Variants in DIS3L2 observed in about 807,000 individuals in gnomAD.
The protein encoded by DIS3L2 is DIS3 like 3'-5' exoribonuclease 2, also known as DIS3-like exonuclease 2.
A neutral mutation model predicts 97.5 loss-of-function variants in DIS3L2; 34 were observed. The observed-to-expected ratio is 0.35, with a 90% confidence interval of 0.27 to 0.46. DIS3L2 has a LOEUF of 0.46. DIS3L2 is among the 20% of genes least tolerant of loss of function. The probability of loss-of-function intolerance (pLI) is 1.00; values close to 1 mark genes in which losing one functional copy is unlikely to be tolerated. For missense variants in DIS3L2, 1,038 were observed against 1,146.0 expected (o/e 0.91, Z 1.36); for synonymous variants, 435 against 445.2 (o/e 0.98, Z 0.29).
At chr2:232,110,746 G>A (rs67269492) in intron 6 of DIS3L2, among the ~76,000 whole-genome samples, 14,947 of 152,126 alleles carry the variant, frequency 0.098, 999 homozygotes, top group Middle Eastern at 0.15. Context: ...ATAGCCAATG[G>A]ATGTTGGGCT....
At chr2:232,002,537 T>G (rs1693937004) in intron 1 of DIS3L2, among the ~76,000 whole-genome samples, 1 of 152,242 alleles carries the variant, frequency 6.6e-6, no homozygotes, top group South Asian at 2.1e-4. Flanking sequence ...TTTATTTCAT[T>G]AACATTTGTT....
intron 5 of DIS3L2, among the ~76,000 whole-genome samples, chr2:232,032,062 C>G (rs1455066673): frequency 1.3e-5 from 2 of 152,188 alleles, no homozygotes; most frequent in Non-Finnish European, 2.9e-5. Flanking sequence ...ATTTCTAGTT[C>G]TAGATCCTTG....
At chr2:232,042,078 G>A (rs1695123718) in intron 5 of DIS3L2, among the ~76,000 whole-genome samples, 1 of 152,126 alleles carries the variant, frequency 6.6e-6, no homozygotes, top group African/African-American at 2.4e-5. Flanking sequence ...GGAAGAGATT[G>A]GCACTGAAAG....
chr2:232,073,258 G>A (rs1320362054), intron 5 of DIS3L2, among the ~76,000 whole-genome samples: 2 of 152,118 alleles, frequency 1.3e-5, no homozygotes, highest in Non-Finnish European at 2.9e-5. Context: ...GCCTAGCCAG[G>A]GAAGCCAAGA....
chr2:232,148,748 C>CTTTTTTTTTTTTTT (rs34837114), intron 8 of DIS3L2, among the ~76,000 whole-genome samples: 3 of 98,886 alleles, frequency 3.0e-5, no homozygotes, highest in Non-Finnish European at 3.8e-5. Context: ...AATTTTCTTT[C>CTTTTTTTTTTTTTT]TTTTTTTTTT....
At chr2:232,243,358 G>A (rs1032027888) in intron 11 of DIS3L2, among the ~76,000 whole-genome samples, 4 of 152,052 alleles carry the variant, frequency 2.6e-5, no homozygotes, top group African/African-American at 4.8e-5. Flanking sequence ...AGTGGTAGGC[G>A]AAGGAGCTCA....
At chr2:232,283,835 G>A (rs1694358957) in intron 13 of DIS3L2, among the ~76,000 whole-genome samples, 2 of 152,148 alleles carry the variant, frequency 1.3e-5, no homozygotes, top group South Asian at 4.2e-4. Flanking sequence ...GGATGGGACA[G>A]TCTGTATGTA....
At chr2:231,970,122 T>C (rs1692854391) in intron 1 of DIS3L2, among the ~76,000 whole-genome samples, 1 of 151,770 alleles carries the variant, frequency 6.6e-6, no homozygotes, top group Admixed American at 6.6e-5. Flanking sequence ...TGTTTGTTTG[T>C]TTTTTAGTAG....
intron 8 of DIS3L2, among the ~76,000 whole-genome samples, chr2:232,157,697 G>A (rs1690534059): frequency 6.6e-6 from 1 of 152,126 alleles, no homozygotes. Context: ...AGTAGTTGGG[G>A]GTCCTCCTGG....
chr2:232,246,643 G>A (rs1286222210), intron 11 of DIS3L2, among the ~76,000 whole-genome samples: 1 of 152,228 alleles, frequency 6.6e-6, no homozygotes, highest in African/African-American at 2.4e-5. Flanking sequence ...CTCTCAGGTG[G>A]CAAAGCCTTT....
chr2:231,984,360 C>T (rs897381960), intron 1 of DIS3L2, among the ~76,000 whole-genome samples: 2 of 148,900 alleles, frequency 1.3e-5, no homozygotes, highest in Non-Finnish European at 3.0e-5. Flanking sequence ...GAGTGAGTGG[C>T]GTGATCTGGG....
chr2:232,014,681 G>T (rs950301898), intron 1 of DIS3L2, among the ~76,000 whole-genome samples, 154 bp from the exon 2 acceptor site: 5 of 152,326 alleles, frequency 3.3e-5, no homozygotes, highest in African/African-American at 1.2e-4. Flanking sequence ...ACTTGAGACA[G>T]ATGGTGTGCT....
intron 9 of DIS3L2, among the ~76,000 whole-genome samples, chr2:232,174,572 T>TGA (rs1691093137): frequency 9.0e-6 from 1 of 111,052 alleles, no homozygotes; most frequent in Admixed American, 1.3e-4. Context: ...GGTAACAGAG[T>TGA]GAGACTCCAC....
At chr2:232,072,497 TG>T (rs1022659959) in intron 5 of DIS3L2, among the ~76,000 whole-genome samples, 16 of 151,502 alleles carry the variant, frequency 1.1e-4, no homozygotes, top group Non-Finnish European at 2.4e-4. Flanking sequence ...GGATCCGGGG[TG>T]GGGGTGCAGT....
chr2:232,217,984 C>T (rs1692388192), intron 10 of DIS3L2, among the ~76,000 whole-genome samples: 1 of 152,204 alleles, frequency 6.6e-6, no homozygotes, highest in South Asian at 2.1e-4. Context: ...CCTCTCTGTG[C>T]AGCATTCCCT....
intron 13 of DIS3L2, among the ~76,000 whole-genome samples, chr2:232,294,352 A>C (rs1171837082): frequency 6.6e-6 from 1 of 152,190 alleles, no homozygotes; most frequent in African/African-American, 2.4e-5. Context: ...ATCCTTAGCA[A>C]GGAGGAAATG....
chr2:232,183,784 T>G (rs764507166), intron 9 of DIS3L2, among the ~76,000 whole-genome samples: 1 of 152,210 alleles, frequency 6.6e-6, no homozygotes, highest in Non-Finnish European at 1.5e-5. Flanking sequence ...CTGTTTGCAG[T>G]GAACAAGGTT....
At chr2:232,062,870 C>T (rs1181096664) in intron 5 of DIS3L2, among the ~76,000 whole-genome samples, 1 of 151,192 alleles carries the variant, frequency 6.6e-6, no homozygotes, top group Non-Finnish European at 1.5e-5. Flanking sequence ...CTTTCCCTTC[C>T]TTCCCTTCCT....
rs116383612 is a variant in DIS3L2, at chr2:232,238,043, A to G, written c.1205-490A>G. Among the ~76,000 whole-genome samples, 467 of 152,226 alleles carry G rather than the reference A, an allele frequency of 3.1e-3. 1 individual carries two copies. The highest frequency in any genetic ancestry group is 0.011 in the African/African-American group (441 of 41,532). ...GACCCACATTTAGAAAGATCACAGC[A>G]AAGTGTGGAGGGCCAGGTGAGGGGG... is the stretch of plus-strand genomic sequence containing the variant. On this transcript the variant is annotated intron_variant, in intron 10 of 20. Transcript: ENST00000325385.
Sources: gnomAD v4.1 joint callset for allele counts (sites outside exome capture counted in the v4.1 genomes callset) on GRCh38, gnomAD v4.1.1 for gene constraint, MANE v1.5 for transcripts, NCBI Gene and HGNC (gene_info 2026-07-23, HGNC 2026-07-21) for gene names.